HDGFL2: variants seen among roughly 807,000 people sequenced by gnomAD.
HDGFL2 encodes HDGF like 2.
Under a neutral mutation model 77.1 loss-of-function variants are expected in HDGFL2, and 36 were observed. The ratio of observed to expected loss-of-function variants is 0.47; its 90% CI spans 0.36 to 0.62. The LOEUF (loss-of-function observed/expected upper bound fraction) is 0.62. Among genes scored for constraint, HDGFL2 ranks in the 20% least tolerant of loss-of-function variants. The probability of loss-of-function intolerance (pLI) is 0.00; values close to 1 mark genes in which losing one functional copy is unlikely to be tolerated. For synonymous variants in HDGFL2, 463 were observed against 413.1 expected (o/e 1.12, Z -1.46); for missense variants, 976 against 973.4 (o/e 1.00, Z -0.04).
At chr19:4,475,178 C>G in intron 1 of HDGFL2, 97 bp from the exon 2 acceptor site, 7 of 1,007,744 alleles carry the variant, frequency 6.9e-6, no homozygotes, top group African/African-American at 1.6e-5. Flanking sequence ...AGGCTCCCCT[C>G]CTCCCAGCGT....
chr19:4,501,932 C>A lies in HDGFL2; in HGVS notation c.1938C>A (p.Asp646Glu). The A allele has an allele frequency of 6.7e-7, 1 of 1,485,058 alleles. No homozygotes were observed. The highest frequency in any genetic ancestry group is 2.8e-5 in the Admixed American group (1 of 36,072). The allele number at this position is 1,485,058 out of a possible 1,614,324, so 92.0% of individuals were successfully genotyped here. Residue 646 changes from aspartate (D) to glutamate (E), a missense_variant, in exon 16 of 16, where the codon GAC becomes GAA. By Grantham distance (45) the Asp-to-Glu change is conservative (BLOSUM62 2). Coordinates refer to ENST00000616600, the MANE Select transcript of HDGFL2 (RefSeq NM_001001520.3). The part of the protein sequence containing the change: ...DLHDSVREGP[D>E]LDRPGSDRQE... ...CCAGCAGCGTACGGGAGGGTCCCGACCTGGACAGGCCTGGGAGCGACCGGC... is the reference window on the plus strand; with the variant it reads ...CCAGCAGCGTACGGGAGGGTCCCGAACTGGACAGGCCTGGGAGCGACCGGC...
At position 4,501,094 on chromosome 19, in the gene HDGFL2, G is replaced by T. The variant is rs914702080; in HGVS notation, c.1790-97G>T. The T allele has an allele frequency of 1.1e-5, 16 of 1,493,460 alleles. No homozygotes were observed. The South Asian group carries it at 1.5e-4, about 14-fold the overall frequency. The allele number at this position is 1,493,460 out of a possible 1,614,324, so 92.5% of individuals were successfully genotyped here. On this transcript the variant is annotated intron_variant, in intron 14 of 15. Transcript: ENST00000616600. ...TGGATGGGCATGTGTCACCCACGGC[G>T]CTCAGCTTGGCCCCTGGTCCAGTCC...
chr19:4,495,204 G>A (rs557054829), intron 9 of HDGFL2, among the ~76,000 whole-genome samples: 27 of 152,032 alleles, frequency 1.8e-4, no homozygotes, highest in African/African-American at 5.5e-4. Flanking sequence ...TGGCTAACAC[G>A]GTGAAACCCT....
intron 3 of HDGFL2, among the ~76,000 whole-genome samples, chr19:4,482,624 C>T (rs1467063563): frequency 6.6e-6 from 1 of 152,198 alleles, no homozygotes; most frequent in African/African-American, 2.4e-5. Context: ...AGGAGTAAAC[C>T]ACGGGCCCTG....
chr19:4,490,101 A>G (rs1344017465), intron 4 of HDGFL2, among the ~76,000 whole-genome samples: 1 of 151,872 alleles, frequency 6.6e-6, no homozygotes, highest in East Asian at 1.9e-4. Context: ...TTATTTATTT[A>G]TTTTGAGACG....
intron 6 of HDGFL2, among the ~76,000 whole-genome samples, chr19:4,493,137 ATC>A (rs1277273090): frequency 2.6e-5 from 1 of 39,092 alleles, no homozygotes; most frequent in South Asian, 9.8e-4. Flanking sequence ...TGTGTGTGTT[ATC>A]TGTGTCTGTG....
At chr19:4,488,444 C>A (rs1411566083) in intron 3 of HDGFL2, among the ~76,000 whole-genome samples, 1 of 152,184 alleles carries the variant, frequency 6.6e-6, no homozygotes, top group Non-Finnish European at 1.5e-5. Context: ...CCAGGTTTAA[C>A]CCTGAAGCCC....
intron 10 of HDGFL2, 114 bp downstream of exon 10, chr19:4,496,519 C>T (rs953391642): frequency 1.3e-6 from 1 of 791,058 alleles, no homozygotes; most frequent in Non-Finnish European, 2.1e-6. Flanking sequence ...GGAGCCGGAC[C>T]CGGTTGAAGT....
At chr19:4,489,679 G>A (rs1435616405) in intron 4 of HDGFL2, among the ~76,000 whole-genome samples, 2 of 152,198 alleles carry the variant, frequency 1.3e-5, no homozygotes, top group African/African-American at 4.8e-5. Context: ...TGGGATTACA[G>A]GCGTTAGCCA....
At chr19:4,501,882 C>T in intron 15 of HDGFL2, 29 bp from the exon 16 acceptor site, 1 of 1,414,000 alleles carries the variant, frequency 7.1e-7, no homozygotes, top group South Asian at 1.6e-5. Flanking sequence ...GGGAGGGCAT[C>T]CTCACACCGC....
At chr19:4,482,511 A>G (rs946699751) in intron 3 of HDGFL2, among the ~76,000 whole-genome samples, 1 of 151,850 alleles carries the variant, frequency 6.6e-6, no homozygotes, top group Non-Finnish European at 1.5e-5. Flanking sequence ...CCCAGCCATT[A>G]TTTTTTTCAT....
intron 3 of HDGFL2, among the ~76,000 whole-genome samples, chr19:4,487,845 C>T (rs1481356581): frequency 1.3e-5 from 2 of 151,512 alleles, no homozygotes; most frequent in South Asian, 2.1e-4. Flanking sequence ...ACTGCCTGAG[C>T]GGGCATTTTG....
intron 6 of HDGFL2, among the ~76,000 whole-genome samples, chr19:4,492,865 GGT>G (rs1214725719): frequency 4.5e-4 from 63 of 140,186 alleles, no homozygotes; most frequent in Admixed American, 3.9e-3. Flanking sequence ...GTGTGTGTGT[GGT>G]GTGTGTGGTG....
chr19:4,488,945 T>G, intron 4 of HDGFL2, 69 bp downstream of exon 4: 2 of 1,038,792 alleles, frequency 1.9e-6, no homozygotes, highest in Non-Finnish European at 1.4e-6. Flanking sequence ...CAGCTTGCTC[T>G]CCTGCCCTTT....
rs934212134 is a variant in HDGFL2 at position 4,494,278 on chromosome 19, C to T, written c.1027C>T (p.Arg343Trp). The T allele has an allele frequency of 2.3e-5, 34 of 1,450,524 alleles. No homozygotes were observed. The highest frequency in any genetic ancestry group is 2.9e-5 in the South Asian group (2 of 69,898). The allele number at this position is 1,450,524 out of a possible 1,614,324, so 89.9% of individuals were successfully genotyped here. ...REQEEELRRL[R>W]EQEKEEKERR... ...GCAGGAGGAGGAGCTGCGGCGCCTGCGGGAGCAGGAGAAGGAGGAGAAGGA... is the reference window on the plus strand; with the variant it reads ...GCAGGAGGAGGAGCTGCGGCGCCTGTGGGAGCAGGAGAAGGAGGAGAAGGA... Residue 343 changes from arginine (R) to tryptophan (W), a missense_variant, in exon 9 of 16, where the codon CGG (arginine) becomes TGG (tryptophan). Arg to Trp is a moderately radical substitution (Grantham distance 101). Transcript: ENST00000616600.
intron 1 of HDGFL2, among the ~76,000 whole-genome samples, chr19:4,474,322 T>A (rs1027606670): frequency 6.6e-6 from 1 of 151,936 alleles, no homozygotes; most frequent in South Asian, 2.1e-4. Context: ...GGGCGGGTCT[T>A]GGGAGAAGCG....
chr19:4,474,261 C>T (rs776937096), intron 1 of HDGFL2, among the ~76,000 whole-genome samples: 2 of 152,104 alleles, frequency 1.3e-5, no homozygotes, highest in Non-Finnish European at 2.9e-5. Context: ...AGAACCAGCC[C>T]AGGTCCGAAG....
rs1270739074 is a variant in HDGFL2, at chr19:4,497,896, C to G, written c.1329-62C>G. 13 of 1,447,610 alleles carry G rather than the reference C, an allele frequency of 9.0e-6. No homozygotes were observed. In the East Asian group the frequency reaches 2.5e-4, roughly 28 times the overall value. 89.7% of individuals were successfully genotyped at this position (1,447,610 alleles called of 1,614,324 possible). ...GGGTTTGGGTCCACCCCTTCAGGCG[C>G]CAGCCCCTCAGTGGCAGAGTGCCGG... is the stretch of plus-strand genomic sequence containing the variant. On this transcript the variant is annotated intron_variant, in intron 10 of 15. Coordinates refer to ENST00000616600, the MANE Select transcript of HDGFL2 (RefSeq NM_001001520.3).
rs750926851 is a variant in HDGFL2, at chr19:4,498,799, C to T, written c.1474-15C>T. 6 of 1,584,400 alleles carry T rather than the reference C, an allele frequency of 3.8e-6. No individual in the cohort carries two copies. Among genetic ancestry groups the T allele is most frequent in the Non-Finnish European group, 5.2e-6 (6 of 1,160,658 alleles). Reference sequence around the variant, plus strand: ...TTGGCCAGGCCGTCTCCCTCACTCCCACCCCACCCTGCAGGACGTGAAGAG... The same window carrying T: ...TTGGCCAGGCCGTCTCCCTCACTCCTACCCCACCCTGCAGGACGTGAAGAG... On this transcript the variant is annotated splice_polypyrimidine_tract_variant and intron_variant, in intron 12 of 15. Coordinates refer to ENST00000616600, the MANE Select transcript of HDGFL2 (RefSeq NM_001001520.3).
Sources: allele counts gnomAD v4.1 joint callset (sites outside exome capture counted in the v4.1 genomes callset), GRCh38; gene constraint gnomAD v4.1.1; transcripts MANE v1.5; gene names NCBI Gene and HGNC (gene_info 2026-07-23, HGNC 2026-07-21).